Variants in RFX4 observed in about 807,000 individuals in gnomAD.
The protein encoded by RFX4 is regulatory factor X4.
RFX4 carries 10 observed loss-of-function variants against 95.0 expected under a neutral mutation model. The ratio of observed to expected loss-of-function variants is 0.11; its 90% CI spans 0.06 to 0.18. The LOEUF (loss-of-function observed/expected upper bound fraction) is 0.18, where lower values mean the gene tolerates loss of function less well. Among genes scored for constraint, RFX4 ranks in the 10% least tolerant of loss-of-function variants. The probability of loss-of-function intolerance (pLI) is 1.00; values close to 1 mark genes in which losing one functional copy is unlikely to be tolerated. For missense variants in RFX4, 640 were observed against 922.0 expected (o/e 0.69, Z 3.96); for synonymous variants, 321 against 340.7 (o/e 0.94, Z 0.64).
chr12:106,648,354 C>T (rs1156367809), intron 3 of RFX4, among the ~76,000 whole-genome samples: 6 of 152,004 alleles, frequency 3.9e-5, no homozygotes, highest in Non-Finnish European at 7.4e-5. Context: ...AAGAGGTATA[C>T]GTGTGGGAAA....
At chr12:106,631,365 G>C (rs143206887) in intron 2 of RFX4, among the ~76,000 whole-genome samples, 3 of 152,184 alleles carry the variant, frequency 2.0e-5, no homozygotes, top group African/African-American at 7.2e-5. Flanking sequence ...GGTGAGCAAG[G>C]TCTGCACCCT....
At chr12:106,692,989 G>A in intron 7 of RFX4, 1 of 239,610 alleles carries the variant, frequency 4.2e-6, no homozygotes, top group Non-Finnish European at 8.6e-6. Flanking sequence ...GTTTTTCCCA[G>A]GTCTTAGATT....
intron 1 of RFX4, 70 bp downstream of exon 1, chr12:106,583,433 A>G: frequency 2.1e-6 from 3 of 1,457,606 alleles, no homozygotes; most frequent in Non-Finnish European, 2.8e-6. Context: ...GAACTTTAGA[A>G]AGAAGTTGGG....
intron 15 of RFX4, among the ~76,000 whole-genome samples, chr12:106,737,353 A>G (rs947029021): frequency 1.3e-5 from 2 of 151,582 alleles, no homozygotes; most frequent in African/African-American, 2.4e-5. Context: ...CAAACAATAG[A>G]AGTGTGGTCC....
intron 2 of RFX4, among the ~76,000 whole-genome samples, chr12:106,626,472 G>A (rs2040302319): frequency 6.6e-6 from 1 of 152,188 alleles, no homozygotes; most frequent in South Asian, 2.1e-4. Flanking sequence ...AATAGGGCTA[G>A]GAATGAGTTT....
chr12:106,729,790 A>T (rs995669493), intron 13 of RFX4, among the ~76,000 whole-genome samples: 8 of 152,202 alleles, frequency 5.3e-5, no homozygotes, highest in Non-Finnish European at 1.2e-4. Flanking sequence ...AGTCTAAGCT[A>T]CTAAGTGGCA....
chr12:106,718,259 G>A (rs11113091), intron 11 of RFX4, among the ~76,000 whole-genome samples: 1,618 of 152,322 alleles, frequency 0.011, 21 homozygotes, highest in Non-Finnish European at 0.014. Context: ...CCAGTACACT[G>A]TGACCTTGGT....
chr12:106,613,834 T>A, intron 2 of RFX4, among the ~76,000 whole-genome samples: 1 of 152,218 alleles, frequency 6.6e-6, no homozygotes, highest in East Asian at 1.9e-4. Context: ...CATTCTTGTA[T>A]ATCTTTTGGT....
rs779642196 is a variant in RFX4 at position 106,761,342 on chromosome 12, G to A, written c.2081G>A (p.Arg694Lys). The change falls in exon 18 of 18, where the codon AGG (arginine) becomes AAG (lysine). Residue 694 changes from arginine (R) to lysine (K), a missense_variant. By Grantham distance (26) the Arg-to-Lys change is conservative. Around this residue, in one of 7 missense-constraint regions of RFX4, gnomAD observed 300 missense variants for 346.8 expected, o/e 0.87. Transcript: ENST00000392842. ...CYTSPSVHSA[R>K]YGNSSDMYTP... is the part of the protein sequence containing the mutation. ...ACAAGCCCGTCTGTGCATTCTGCGA[G>A]GTACGGAAACTCTAGTGACATGTAT... 5.6e-6 allele frequency: 9 copies of A among 1,614,006 alleles called. No homozygotes were observed. The South Asian group carries it at 8.8e-5, about 16-fold the overall frequency.
At position 106,711,754 on chromosome 12, in the gene RFX4, G is replaced by A. The variant is rs1592969098; in HGVS notation, c.993+243G>A. Reference sequence around the variant, plus strand: ...AGATATGTTCTAAGTCCACAGTTCTGTGTTTCTCTTAATTATCCAGCCCAA... The same window carrying A: ...AGATATGTTCTAAGTCCACAGTTCTATGTTTCTCTTAATTATCCAGCCCAA... On this transcript the variant is annotated intron_variant, in intron 10 of 17. Coordinates refer to ENST00000392842, the MANE Select transcript of RFX4 (RefSeq NM_213594.3). Among the ~76,000 whole-genome samples, 2 of 152,310 alleles carry A rather than the reference G, an allele frequency of 1.3e-5. 1 individual carries two copies. Among genetic ancestry groups the A allele is most frequent in the East Asian group, 3.9e-4 (2 of 5,192 alleles).
chr12:106,588,677 G>A (rs912958900), intron 1 of RFX4, among the ~76,000 whole-genome samples: 6 of 151,940 alleles, frequency 3.9e-5, no homozygotes, highest in African/African-American at 1.5e-4. Context: ...TGCACAACCC[G>A]CAATTACTTT....
At chr12:106,672,518 C>T (rs80317714) in intron 4 of RFX4, among the ~76,000 whole-genome samples, 13,789 of 152,252 alleles carry the variant, frequency 0.091, 885 homozygotes, top group Middle Eastern at 0.15. Flanking sequence ...GAAAGAGGGG[C>T]TGCCTGCCTG....
chr12:106,713,801 C>T (rs1335722195), intron 10 of RFX4, among the ~76,000 whole-genome samples: 2 of 152,044 alleles, frequency 1.3e-5, no homozygotes, highest in East Asian at 3.9e-4. Flanking sequence ...GGTGCGGTGG[C>T]TCAGGCCAGC....
chr12:106,761,426 T>C lies in RFX4; in HGVS notation c.2165T>C (p.Phe722Ser). The C allele has an allele frequency of 6.2e-7, 1 of 1,614,148 alleles. No individual in the cohort carries two copies. The highest frequency in any genetic ancestry group is 8.5e-7 in the Non-Finnish European group (1 of 1,180,018). ...GAGCACATGCAACACTTTCCTGGCT[T>C]TGCTTACATCAACGGAGAGGCCTCT... ...EYEHMQHFPG[F>S]AYINGEASTG... The change falls in exon 18 of 18, where the codon TTT becomes TCT. Residue 722 changes from phenylalanine (F) to serine (S), a missense_variant. This residue lies in a region of RFX4 where 300 missense variants were observed against 346.8 expected (regional missense o/e 0.87). Transcript: ENST00000392842.
At chr12:106,740,887 G>A (rs141465263) in intron 15 of RFX4, among the ~76,000 whole-genome samples, 212 of 152,280 alleles carry the variant, frequency 1.4e-3, no homozygotes, top group Non-Finnish European at 2.5e-3. Context: ...TAGAGGTTGC[G>A]GAGGGAAAAA....
intron 13 of RFX4, among the ~76,000 whole-genome samples, chr12:106,731,179 T>C (rs1355207007): frequency 6.6e-6 from 1 of 152,138 alleles, no homozygotes; most frequent in African/African-American, 2.4e-5. Context: ...GCTTGGCCCC[T>C]CTCTCTGACC....
intron 1 of RFX4, among the ~76,000 whole-genome samples, chr12:106,588,025 C>T (rs1306599613): frequency 6.6e-6 from 1 of 152,174 alleles, no homozygotes; most frequent in Admixed American, 6.5e-5. Context: ...GGTTAGACAG[C>T]TCACAGGCTG....
At chr12:106,685,010 C>T (rs2041611959) in intron 5 of RFX4, 2 of 1,559,658 alleles carry the variant, frequency 1.3e-6, no homozygotes, top group Admixed American at 1.8e-5. Flanking sequence ...GCCTTCTCAT[C>T]TGTATGATTT....
At chr12:106,646,256 G>A (rs185843191) in intron 3 of RFX4, among the ~76,000 whole-genome samples, 1 of 151,958 alleles carries the variant, frequency 6.6e-6, no homozygotes, top group Admixed American at 6.5e-5. Context: ...GGTATAGGTG[G>A]AAAGGGACCA....
Sources: gnomAD v4.1 joint callset for allele counts (sites outside exome capture counted in the v4.1 genomes callset) on GRCh38, gnomAD v4.1.1 for gene constraint, gnomAD v4.1.1 regional missense constraint, MANE v1.5 for transcripts, NCBI Gene and HGNC (gene_info 2026-07-23, HGNC 2026-07-21) for gene names.